The following SHANK2 variants were observed in gnomAD, a reference collection of about 807,000 sequenced individuals.
SHANK2 encodes the protein SH3 and multiple ankyrin repeat domains protein 2.
A neutral mutation model predicts 133.7 loss-of-function variants in SHANK2; 43 were observed. That is an observed-to-expected ratio of 0.32 (90% CI 0.25 to 0.41). The LOEUF (loss-of-function observed/expected upper bound fraction) is 0.41, where lower values mean the gene tolerates loss of function less well. SHANK2 is among the 10% of genes least tolerant of loss of function. The pLI is 1.00. For synonymous variants in SHANK2, 1,017 were observed against 952.8 expected, an observed-to-expected ratio of 1.07 and a Z score of -1.24; for missense variants, 1,994 against 2,235.8, an observed-to-expected ratio of 0.89 and a Z score of 2.18.
chr11:70,779,501 G>A (rs1394737572), intron 14 of SHANK2, among the ~76,000 whole-genome samples: 1 of 152,080 alleles, frequency 6.6e-6, no homozygotes, highest in African/African-American at 2.4e-5. Flanking sequence ...TATTTTGGAA[G>A]AACCAAACAT....
intron 14 of SHANK2, among the ~76,000 whole-genome samples, chr11:70,784,884 G>GCTC (rs1303384372): frequency 6.6e-6 from 1 of 152,220 alleles, no homozygotes; most frequent in Non-Finnish European, 1.5e-5. Context: ...GGGGGCTGCT[G>GCTC]TCCTGCCTCC....
At chr11:70,746,255 C>T (rs566149111) in intron 14 of SHANK2, among the ~76,000 whole-genome samples, 65 of 152,336 alleles carry the variant, frequency 4.3e-4, no homozygotes, top group Middle Eastern at 3.4e-3. Flanking sequence ...CACACTCTCC[C>T]GCCTCTCCAG....
At chr11:71,179,998 G>A (rs7123288) in intron 2 of SHANK2, among the ~76,000 whole-genome samples, 62,154 of 152,020 alleles carry the variant, frequency 0.41, 13,043 homozygotes, top group African/African-American at 0.5. Context: ...GCAAACCTCT[G>A]CTGGCCAATT....
chr11:70,937,722 TA>T (rs1251389992), intron 10 of SHANK2, among the ~76,000 whole-genome samples: 1 of 152,042 alleles, frequency 6.6e-6, no homozygotes, highest in Non-Finnish European at 1.5e-5. Flanking sequence ...GAACATTTTT[TA>T]AAAGGCAAAG....
intron 11 of SHANK2, among the ~76,000 whole-genome samples, chr11:70,840,727 G>A (rs1948890252): frequency 6.6e-6 from 1 of 152,180 alleles, no homozygotes; most frequent in African/African-American, 2.4e-5. Flanking sequence ...GAGGGCTGGG[G>A]GGCCATATCG....
chr11:70,841,429 A>T (rs1488780673), intron 11 of SHANK2, among the ~76,000 whole-genome samples: 2 of 152,184 alleles, frequency 1.3e-5, no homozygotes, highest in East Asian at 3.9e-4. Flanking sequence ...ACAGCAGAGG[A>T]GTCCAAGGTT....
intron 17 of SHANK2, among the ~76,000 whole-genome samples, chr11:70,531,147 G>A (rs1243565220): frequency 3.7e-5 from 4 of 108,656 alleles, no homozygotes; most frequent in Admixed American, 1.4e-4. Flanking sequence ...AACAGAGCAC[G>A]ACTGTCTCAA....
intron 24 of SHANK2, 150 bp downstream of exon 24, chr11:70,489,178 G>T: frequency 1.3e-6 from 1 of 763,490 alleles, no homozygotes; most frequent in Non-Finnish European, 2.3e-6. Flanking sequence ...TTGCAAAGAT[G>T]GCTCGTTCAA....
intron 15 of SHANK2, among the ~76,000 whole-genome samples, chr11:70,686,746 CA>C (rs1945163280): frequency 6.6e-6 from 1 of 152,186 alleles, no homozygotes. Flanking sequence ...CTCTACAAGT[CA>C]GGCACCAAAG....
At chr11:70,666,675 G>T (rs572320249) in intron 15 of SHANK2, among the ~76,000 whole-genome samples, 31 of 152,240 alleles carry the variant, frequency 2.0e-4, no homozygotes, top group African/African-American at 6.7e-4. Flanking sequence ...AGTTTCATGG[G>T]GAAATGACCG....
chr11:71,079,347 C>A (rs1951261086), intron 8 of SHANK2, among the ~76,000 whole-genome samples: 1 of 152,350 alleles, frequency 6.6e-6, no homozygotes, highest in East Asian at 1.9e-4. Context: ...AGGGATGTTA[C>A]TGGGACACCG....
chr11:70,584,847 C>T (rs1461182913), intron 17 of SHANK2, among the ~76,000 whole-genome samples: 3 of 152,248 alleles, frequency 2.0e-5, no homozygotes, highest in Non-Finnish European at 2.9e-5. Context: ...TACACAGGAC[C>T]TGCCTGACAA....
In SHANK2 at chr11:70,652,822, T is replaced by C. The variant is rs541571698; in HGVS notation, c.2061+7006A>G. Among the ~76,000 whole-genome samples, 13 of 152,166 alleles carry C rather than the reference T, an allele frequency of 8.5e-5. No individual in the cohort carries two copies. The South Asian group carries it at 2.3e-3, about 27-fold the overall frequency. On this transcript the variant is annotated intron_variant, in intron 17 of 25. Coordinates refer to ENST00000601538, the MANE Select transcript of SHANK2 (RefSeq NM_012309.5). The stretch of plus-strand genomic sequence containing the variant: ...AAGATCCTGTCTCTAAAAAAGAAAG[T>C]TGATTGAATGCCAGCCCTGTGCTCA...
intron 9 of SHANK2, among the ~76,000 whole-genome samples, chr11:71,059,369 CGATGGTGGTGATGGTT>C (rs1950960335): frequency 6.6e-6 from 1 of 151,584 alleles, no homozygotes. Flanking sequence ...TGGTGATGGT[CGATGGTGGTGATGGTT>C]GACGGTGGTG....
intron 11 of SHANK2, among the ~76,000 whole-genome samples, chr11:70,840,059 C>T (rs891882273): frequency 3.9e-5 from 6 of 152,142 alleles, no homozygotes; most frequent in Non-Finnish European, 5.9e-5. Context: ...AGGCAGAGGG[C>T]GTGGGGCCCA....
At chr11:70,713,560 T>G (rs1391426967) in intron 14 of SHANK2, among the ~76,000 whole-genome samples, 4 of 152,176 alleles carry the variant, frequency 2.6e-5, no homozygotes, top group Non-Finnish European at 5.9e-5. Context: ...AGGCAGTGGC[T>G]CAGTTGCATG....
chr11:70,699,075 G>A (rs1404264906), intron 14 of SHANK2, among the ~76,000 whole-genome samples: 1 of 152,158 alleles, frequency 6.6e-6, no homozygotes, highest in Non-Finnish European at 1.5e-5. Context: ...GAGAGGGCCA[G>A]GCCAGCTCAG....
Position 71,245,791 on chromosome 11 carries a change from C to G in SHANK2, c.-113+6634G>C, listed in dbSNP as rs555277364. 4.1e-4 allele frequency among the ~76,000 whole-genome samples: 62 copies of G among 152,360 alleles called. No individual in the cohort carries two copies. The South Asian group carries it at 0.012, about 29-fold the overall frequency. On this transcript the variant is annotated intron_variant, in intron 1 of 25. Coordinates refer to ENST00000601538, the MANE Select transcript of SHANK2 (RefSeq NM_012309.5). ...CCCTGCCAAAGTCCCCTGGTCCATG[C>G]TTGGGGCCACTGTAGGACCTTGAAA...
intron 9 of SHANK2, among the ~76,000 whole-genome samples, chr11:71,062,859 C>T (rs1565431441): frequency 1.3e-5 from 2 of 151,460 alleles, no homozygotes; most frequent in South Asian, 2.1e-4. Context: ...TAGCCAGGAG[C>T]GGTGGTGCGT....
Sources: allele counts gnomAD v4.1 joint callset (sites outside exome capture counted in the v4.1 genomes callset), GRCh38; gene constraint gnomAD v4.1.1; transcripts MANE v1.5; gene names NCBI Gene and HGNC (gene_info 2026-07-23, HGNC 2026-07-21).